KIRREL3: variants seen among roughly 807,000 people sequenced by gnomAD.
KIRREL3 encodes kin of IRRE-like protein 3.
KIRREL3 carries 36 observed loss-of-function variants against 89.7 expected under a neutral mutation model. That is an observed-to-expected ratio of 0.40 (90% confidence interval 0.31 to 0.53). KIRREL3 has a LOEUF of 0.53. Ranked by LOEUF, KIRREL3 falls within the 20% of genes least tolerant of loss-of-function variation. The pLI is 0.49. For missense variants in KIRREL3, 864 were observed against 1,056.6 expected (o/e 0.82, Z 2.53); for synonymous variants, 445 against 441.4 (o/e 1.01, Z -0.10).
chr11:126,571,153 G>A lies in KIRREL3; in HGVS notation c.56-8241C>T, dbSNP rs1305843475. On this transcript the variant is annotated intron_variant, in intron 1 of 16. Transcript: ENST00000525144. The surrounding 1 kb of genome is among the most constrained non-coding windows in gnomAD (Gnocchi z 7.7). ...GTGAGATTCGACTCCCAACCAATTC[G>A]GAGTCTCAGCCCTTTGGGCTGGCTT... Among the ~76,000 whole-genome samples the A allele has an allele frequency of 6.6e-6, 1 of 152,126 alleles. No homozygotes were observed. The highest frequency in any genetic ancestry group is 1.5e-5 in the Non-Finnish European group (1 of 68,030).
intron 1 of KIRREL3, among the ~76,000 whole-genome samples, chr11:126,871,912 C>A (rs1051386166): frequency 7.9e-5 from 12 of 152,158 alleles, no homozygotes; most frequent in Non-Finnish European, 7.4e-5. Flanking sequence ...GGACACCCTG[C>A]CATCAGAGAG....
Position 126,683,086 on chromosome 11 carries a change from A to G in KIRREL3, c.56-120174T>C, listed in dbSNP as rs1338678007. On this transcript the variant is annotated intron_variant, in intron 1 of 16. Coordinates refer to ENST00000525144, the MANE Select transcript of KIRREL3 (RefSeq NM_032531.4). This position sits in a 1 kb window ranked among gnomAD's most constrained non-coding sequence, Gnocchi z 5.2. ...GCCTAGGCTGGTTTTGACCCCCTGAACTCCAGTGATCTTACCGCCTCAGCC... is the reference window on the plus strand; with the variant it reads ...GCCTAGGCTGGTTTTGACCCCCTGAGCTCCAGTGATCTTACCGCCTCAGCC... Among the ~76,000 whole-genome samples the G allele has an allele frequency of 1.3e-5, 2 of 151,806 alleles. No homozygotes were observed. Among genetic ancestry groups the G allele is most frequent in the African/African-American group, 4.8e-5 (2 of 41,270 alleles).
At chr11:126,673,093 G>T (rs1946031851) in intron 1 of KIRREL3, among the ~76,000 whole-genome samples, 1 of 152,166 alleles carries the variant, frequency 6.6e-6, no homozygotes, top group South Asian at 2.1e-4. Context: ...TACAGTTGAG[G>T]GCTAGGATAA....
rs10630231 is a variant in KIRREL3 at position 126,894,542 on chromosome 11, CAAA to C, written c.55+105910_55+105912del. Among the ~76,000 whole-genome samples, 8 of 17,478 alleles carry C rather than the reference CAAA, an allele frequency of 4.6e-4. No homozygotes were observed. The East Asian group carries it at 7.4e-3, about 16-fold the overall frequency. The allele number at this position is 17,478 out of a possible 152,430, so 11.5% of individuals were successfully genotyped here. On this transcript the variant is annotated intron_variant, in intron 1 of 16. Transcript: ENST00000525144. ...TGGGCAACATAATGAGACCTCATCT[CAAA>C]AAAAAAAAAAAAAAAAAAAAAAAAA...
rs1946506255 is a variant in KIRREL3, at chr11:126,904,725, C to A, written c.55+95730G>T. Among the ~76,000 whole-genome samples, 2 of 152,166 alleles carry A rather than the reference C, an allele frequency of 1.3e-5. No homozygotes were observed. The highest frequency in any genetic ancestry group is 1.3e-4 in the Admixed American group (2 of 15,278). ...GTAGGGGGTCAAAGGAGGAAGTATGCATAATGTACATATTTAATCTTGTCT... is the reference window on the plus strand; with the variant it reads ...GTAGGGGGTCAAAGGAGGAAGTATGAATAATGTACATATTTAATCTTGTCT... On this transcript the variant is annotated intron_variant, in intron 1 of 16. Coordinates refer to ENST00000525144, the MANE Select transcript of KIRREL3 (RefSeq NM_032531.4). This position sits in a 1 kb window ranked among gnomAD's most constrained non-coding sequence, Gnocchi z 4.4.
intron 1 of KIRREL3, among the ~76,000 whole-genome samples, chr11:126,658,813 T>C (rs1945270252): frequency 6.6e-6 from 1 of 152,154 alleles, no homozygotes; most frequent in Non-Finnish European, 1.5e-5. Context: ...GAAAGTAGAG[T>C]CCTTTATGTA....
At chr11:126,975,938 C>CCCTTCCTTCCTT (rs1555111869) in intron 1 of KIRREL3, among the ~76,000 whole-genome samples, 3 of 104,300 alleles carry the variant, frequency 2.9e-5, no homozygotes, top group Non-Finnish European at 3.7e-5. Flanking sequence ...CTCCCTCCCT[C>CCCTTCCTTCCTT]CCTTCCTTCC....
At chr11:126,546,988 G>A (rs1473094642) in intron 2 of KIRREL3, among the ~76,000 whole-genome samples, 1 of 152,192 alleles carries the variant, frequency 6.6e-6, no homozygotes, top group Non-Finnish European at 1.5e-5. Context: ...TTGTTTGTTT[G>A]ACCTCCAAGG....
At chr11:126,790,026 C>T (rs1950591244) in intron 1 of KIRREL3, among the ~76,000 whole-genome samples, 1 of 152,194 alleles carries the variant, frequency 6.6e-6, no homozygotes, top group Admixed American at 6.5e-5. Flanking sequence ...CATTATTCTC[C>T]CCACACCACA....
intron 1 of KIRREL3, among the ~76,000 whole-genome samples, chr11:126,590,117 A>G (rs1942065524): frequency 6.6e-6 from 1 of 152,234 alleles, no homozygotes; most frequent in African/African-American, 2.4e-5. Context: ...TGAGGGCTGC[A>G]TACCTAACCA....
intron 1 of KIRREL3, among the ~76,000 whole-genome samples, chr11:126,858,574 C>T (rs1398435023): frequency 6.6e-6 from 1 of 152,076 alleles, no homozygotes; most frequent in African/African-American, 2.4e-5. Flanking sequence ...AGTGTGAGTT[C>T]TCCTCTGCCA....
chr11:126,564,560 G>T lies in KIRREL3; in HGVS notation c.56-1648C>A, dbSNP rs766968861. On this transcript the variant is annotated intron_variant, in intron 1 of 16. Transcript: ENST00000525144. This position sits in a 1 kb window ranked among gnomAD's most constrained non-coding sequence, Gnocchi z 7.4. ...CTTCTCTTCCTTCCCCTCCACACTG[G>T]CGTCTGAAGGCTTAGCCAAACCGCC... 6.6e-6 allele frequency among the ~76,000 whole-genome samples: 1 copy of T among 152,150 alleles called. No individual in the cohort carries two copies. Among genetic ancestry groups the T allele is most frequent in the Non-Finnish European group, 1.5e-5 (1 of 68,030 alleles).
chr11:126,844,009 C>T lies in KIRREL3; in HGVS notation c.55+156446G>A, dbSNP rs1944050837. Among the ~76,000 whole-genome samples, 1 of 152,156 alleles carries T rather than the reference C, an allele frequency of 6.6e-6. No individual in the cohort carries two copies. The highest frequency in any genetic ancestry group is 1.9e-4 in the East Asian group (1 of 5,196). Reference sequence around the variant, plus strand: ...TCTATGGAGTAGCCATTCTTTTGTTCCTTTACTTTCTTAATAAACTTGCTT... The same window carrying T: ...TCTATGGAGTAGCCATTCTTTTGTTTCTTTACTTTCTTAATAAACTTGCTT... On this transcript the variant is annotated intron_variant, in intron 1 of 16. Transcript: ENST00000525144. The surrounding 1 kb of genome is among the most constrained non-coding windows in gnomAD (Gnocchi z 4.8).
rs1370653394 is a variant in KIRREL3 at position 126,495,720 on chromosome 11, C to T, written c.434-22254G>A. The stretch of plus-strand genomic sequence containing the variant: ...GGGCACTCAGAGATTCACCTGCCCT[C>T]TCTGAGCCCATGTGGGCACTCCCTG... On this transcript the variant is annotated intron_variant, in intron 4 of 16. Coordinates refer to ENST00000525144, the MANE Select transcript of KIRREL3 (RefSeq NM_032531.4). The surrounding 1 kb of genome is among the most constrained non-coding windows in gnomAD (Gnocchi z 6.5). 6.6e-6 allele frequency among the ~76,000 whole-genome samples: 1 copy of T among 152,168 alleles called. No individual in the cohort carries two copies. Among genetic ancestry groups the T allele is most frequent in the Admixed American group, 6.5e-5 (1 of 15,286 alleles).
rs115611251 is a variant in KIRREL3 at position 126,660,748 on chromosome 11, C to T, written c.56-97836G>A. ...CCATAAAACTGTCCCACAGCTAGAA[C>T]ATGCACTGACTCTGAGAAAGATGAG... On this transcript the variant is annotated intron_variant, in intron 1 of 16. Coordinates refer to ENST00000525144, the MANE Select transcript of KIRREL3 (RefSeq NM_032531.4). 4.4e-3 allele frequency among the ~76,000 whole-genome samples: 666 copies of T among 152,318 alleles called. 4 individuals carry two copies. Among genetic ancestry groups the T allele is most frequent in the African/African-American group, 0.015 (639 of 41,556 alleles).
At position 126,562,960 on chromosome 11, in the gene KIRREL3, G is replaced by A. The variant is rs750248740; in HGVS notation, c.56-48C>T. On this transcript the variant is annotated intron_variant, in intron 1 of 16. Coordinates refer to ENST00000525144, the MANE Select transcript of KIRREL3 (RefSeq NM_032531.4). The surrounding 1 kb of genome is among the most constrained non-coding windows in gnomAD (Gnocchi z 4.7). ...TGAGTTGGGAATGGGAACAGGTCAG[G>A]CATTGTTGGGGGGCCCTCTGCAGGG... The A allele has an allele frequency of 6.8e-7, 1 of 1,473,272 alleles. No individual in the cohort carries two copies. Among genetic ancestry groups the A allele is most frequent in the East Asian group, 2.3e-5 (1 of 44,074 alleles). 91.3% of individuals were successfully genotyped at this position (1,473,272 alleles called of 1,614,324 possible). A position where few individuals can be genotyped will look rare whatever the true frequency, so the allele number is the denominator to read the frequency against.
intron 1 of KIRREL3, among the ~76,000 whole-genome samples, chr11:126,972,204 G>GAGAGAGAGAGAGAGAGAA (rs1555110558): frequency 6.8e-6 from 1 of 146,542 alleles, no homozygotes; most frequent in Non-Finnish European, 1.5e-5. Context: ...GAGAGAGAGA[G>GAGAGAGAGAGAGAGAGAA]GACTGTGCAT....
intron 1 of KIRREL3, among the ~76,000 whole-genome samples, chr11:126,828,767 T>C (rs1943504682): frequency 6.6e-6 from 1 of 152,218 alleles, no homozygotes; most frequent in Admixed American, 6.5e-5. Context: ...CATCCCCATC[T>C]AGGTGTCTTA....
rs545155057 is a variant in KIRREL3, at chr11:126,443,292, G to A, written c.1252+1687C>T. ...CTGACTTCCGAGTGCCCTGGCTGGCGCGGGCTGTGTGGAGGGCCGCTGATT... is the reference window on the plus strand; with the variant it reads ...CTGACTTCCGAGTGCCCTGGCTGGCACGGGCTGTGTGGAGGGCCGCTGATT... On this transcript the variant is annotated intron_variant, in intron 10 of 16. Transcript: ENST00000525144. The surrounding 1 kb of genome is among the most constrained non-coding windows in gnomAD (Gnocchi z 7.3). Among the ~76,000 whole-genome samples, 1 of 152,300 alleles carries A rather than the reference G, an allele frequency of 6.6e-6. No individual in the cohort carries two copies. Among genetic ancestry groups the A allele is most frequent in the South Asian group, 2.1e-4 (1 of 4,830 alleles).
Sources: gnomAD v4.1 joint callset for allele counts (sites outside exome capture counted in the v4.1 genomes callset) on GRCh38, gnomAD v4.1.1 for gene constraint, Gnocchi (gnomAD v3.1) non-coding constraint, MANE v1.5 for transcripts, NCBI Gene and HGNC (gene_info 2026-07-23, HGNC 2026-07-21) for gene names.